The following PKHD1L1 variants were observed in gnomAD, a reference collection of about 807,000 sequenced individuals.
PKHD1L1 encodes the protein fibrocystin-L.
A neutral mutation model predicts 462.9 loss-of-function variants in PKHD1L1; 434 were observed. The ratio of observed to expected loss-of-function variants is 0.94; its 90% CI spans 0.87 to 1.02. The LOEUF (loss-of-function observed/expected upper bound fraction) is 1.02, where lower values mean the gene tolerates loss of function less well. Ranked by LOEUF, PKHD1L1 falls within the 50% of genes least tolerant of loss-of-function variation. PKHD1L1 has a pLI of 0.00. For synonymous variants in PKHD1L1, 1,781 were observed against 1,750.0 expected, an observed-to-expected ratio of 1.02 and a Z score of -0.44; for missense variants, 5,202 against 5,096.1, an observed-to-expected ratio of 1.02 and a Z score of -0.63.
intron 2 of PKHD1L1, among the ~76,000 whole-genome samples, chr8:109,370,699 C>T (rs1163878808): frequency 6.6e-6 from 1 of 152,026 alleles, no homozygotes; most frequent in Non-Finnish European, 1.5e-5. Flanking sequence ...TGATGTTCCC[C>T]TTCCTGTGTC....
chr8:109,378,261 C>T (rs1442216970), intron 2 of PKHD1L1, among the ~76,000 whole-genome samples: 1 of 152,168 alleles, frequency 6.6e-6, no homozygotes, highest in African/African-American at 2.4e-5. Context: ...TTCACTCCTG[C>T]CCCTATTCTA....
intron 77 of PKHD1L1, among the ~76,000 whole-genome samples, chr8:109,529,457 T>C (rs148458136): frequency 6.6e-6 from 1 of 152,180 alleles, no homozygotes; most frequent in African/African-American, 2.4e-5. Context: ...AGCATTAAAA[T>C]ATAAGGTCTA....
intron 30 of PKHD1L1, among the ~76,000 whole-genome samples, chr8:109,436,727 A>G (rs1432518619): frequency 6.6e-6 from 1 of 152,214 alleles, no homozygotes; most frequent in Non-Finnish European, 1.5e-5. Context: ...TTGAATTAAT[A>G]GAAGTAGTAA....
At position 109,491,880 on chromosome 8, in the gene PKHD1L1, A is replaced by T; in HGVS notation, c.10122A>T (p.Arg3374Ser). The change falls in exon 62 of 78, where the codon AGA (arginine) becomes AGT (serine). Residue 3374 changes from arginine to serine, a missense_variant. Around this residue, in one of 3 missense-constraint regions of PKHD1L1, gnomAD observed 4,497 missense variants for 4,336.8 expected, o/e 1.04. Transcript: ENST00000378402. The stretch of plus-strand genomic sequence containing the variant: ...TTTTCTTTTTTTAAACAGGCATAAG[A>T]ATATGGGGGAATGCCAACCGAGTCC... Reference protein sequence around the residue: ...IIHFTVGEGIRIWGNANRVRG... With the variant: ...IIHFTVGEGISIWGNANRVRG... 1 of 1,601,494 alleles carries T rather than the reference A, an allele frequency of 6.2e-7. No homozygotes were observed.
intron 4 of PKHD1L1, among the ~76,000 whole-genome samples, chr8:109,383,514 T>C (rs1188952525): frequency 1.4e-5 from 2 of 140,602 alleles, no homozygotes; most frequent in East Asian, 2.0e-4. Context: ...ATAAATAGTT[T>C]ATATATATTA....
At chr8:109,498,928 T>C (rs2130945741) in intron 67 of PKHD1L1, 157 bp downstream of exon 67, 1 of 671,826 alleles carries the variant, frequency 1.5e-6, no homozygotes, top group East Asian at 2.7e-5. Flanking sequence ...AGAGTCAATT[T>C]TGAGAATGGT....
At chr8:109,506,744 T>A (rs975315172) in intron 68 of PKHD1L1, among the ~76,000 whole-genome samples, 1 of 152,232 alleles carries the variant, frequency 6.6e-6, no homozygotes, top group Non-Finnish European at 1.5e-5. Flanking sequence ...TAGCTTCATA[T>A]CTTTCTCATA....
At chr8:109,512,742 G>A (rs1236069520) in intron 71 of PKHD1L1, among the ~76,000 whole-genome samples, 2 of 152,116 alleles carry the variant, frequency 1.3e-5, no homozygotes, top group African/African-American at 4.8e-5. Flanking sequence ...GAAAGTCATT[G>A]GCAGCTTGAT....
intron 70 of PKHD1L1, 116 bp from the exon 71 acceptor site, chr8:109,510,661 G>C (rs1819923064): frequency 1.5e-6 from 2 of 1,307,728 alleles, no homozygotes; most frequent in African/African-American, 3.0e-5. Context: ...TATAAATGCT[G>C]AACTTGCATT....
In PKHD1L1 at chr8:109,515,320, A is replaced by G; in HGVS notation, c.11689+15A>G. 6.6e-7 allele frequency: 1 copy of G among 1,515,798 alleles called. No homozygotes were observed. Among genetic ancestry groups the G allele is most frequent in the South Asian group, 1.3e-5 (1 of 77,350 alleles). 93.9% of individuals were successfully genotyped at this position (1,515,798 alleles called of 1,614,324 possible). On this transcript the variant is annotated intron_variant, in intron 72 of 77. Coordinates refer to ENST00000378402, the MANE Select transcript of PKHD1L1 (RefSeq NM_177531.6). ...TCTGTACAAAGGTATTGTCTCAGAA[A>G]AAATACAGTACACATGGAAAATGTA... is the stretch of plus-strand genomic sequence containing the variant.
chr8:109,384,231 T>C lies in PKHD1L1; in HGVS notation c.475+104T>C, dbSNP rs183543619. The C allele has an allele frequency of 1.3e-3, 1,218 of 929,802 alleles. 2 individuals are homozygous for C. Among genetic ancestry groups the C allele is most frequent in the East Asian group, 4.2e-3 (161 of 38,402 alleles). The allele number at this position is 929,802 out of a possible 1,614,324, so 57.6% of individuals were successfully genotyped here. ...TAATTCCTGCAATTTTTAAATAGCA[T>C]TTTTTTCATTATAAAAATAACTATC... On this transcript the variant is annotated intron_variant, in intron 5 of 77. Coordinates refer to ENST00000378402, the MANE Select transcript of PKHD1L1 (RefSeq NM_177531.6).
chr8:109,419,386 A>G, intron 22 of PKHD1L1, 126 bp downstream of exon 22: 1 of 654,404 alleles, frequency 1.5e-6, no homozygotes, highest in South Asian at 3.3e-5. Flanking sequence ...TCACTCTTTT[A>G]TCTGAATAAT....
At chr8:109,441,073 G>A (rs1815760535) in intron 33 of PKHD1L1, among the ~76,000 whole-genome samples, 1 of 152,052 alleles carries the variant, frequency 6.6e-6, no homozygotes, top group South Asian at 2.1e-4. Context: ...GCGACATATA[G>A]AGTGGAGGAG....
chr8:109,519,298 G>C (rs1820430523), intron 73 of PKHD1L1, among the ~76,000 whole-genome samples: 1 of 151,870 alleles, frequency 6.6e-6, no homozygotes, highest in Non-Finnish European at 1.5e-5. Context: ...ATTTCCTTAG[G>C]GTCACTCAGT....
intron 63 of PKHD1L1, among the ~76,000 whole-genome samples, chr8:109,496,516 AGT>A (rs1482195067): frequency 6.6e-6 from 1 of 152,242 alleles, no homozygotes; most frequent in Non-Finnish European, 1.5e-5. Flanking sequence ...AAATAATGTA[AGT>A]GTGTTAACAC....
In PKHD1L1 at chr8:109,476,555, C is replaced by T; in HGVS notation, c.8805C>T (p.Asp2935=). 6.5e-7 allele frequency: 1 copy of T among 1,539,378 alleles called. No homozygotes were observed. Residue 2935 remains aspartate, a synonymous_variant, in exon 52 of 78, where the codon GAC becomes GAT. Coordinates refer to ENST00000378402, the MANE Select transcript of PKHD1L1 (RefSeq NM_177531.6). ...CACATAACTTCACTCAAAATCCTGA[C>T]ATGTTTAATATTATTGATATGAGGA... The part of the protein sequence containing the change: ...IISHNFTQNP[D]MFNIIDMRNG...
intron 23 of PKHD1L1, among the ~76,000 whole-genome samples, chr8:109,422,369 A>T (rs969573489): frequency 6.6e-6 from 1 of 152,162 alleles, no homozygotes; most frequent in African/African-American, 2.4e-5. Context: ...CCCTCGTTCC[A>T]TTCCTCCTGC....
At chr8:109,398,386 C>A in intron 11 of PKHD1L1, 73 bp from the exon 12 acceptor site, 2 of 956,226 alleles carry the variant, frequency 2.1e-6, no homozygotes, top group Non-Finnish European at 3.3e-6. Context: ...TGCAAAAGTG[C>A]TTAAAGATAC....
chr8:109,526,960 G>A lies in PKHD1L1; in HGVS notation c.12661G>A (p.Gly4221Arg), dbSNP rs1586671691. Residue 4221 changes from glycine (G) to arginine (R), a missense_variant, in exon 77 of 78, where the codon GGA becomes AGA. By Grantham distance (125) the Gly-to-Arg change is moderately radical (BLOSUM62 -2). Coordinates refer to ENST00000378402, the MANE Select transcript of PKHD1L1 (RefSeq NM_177531.6). ...IMTVVISCLV[G>R]RMWLLEIFMA... ...GACTGTAGTAATTAGCTGTCTGGTT[G>A]GAAGAATGTGGCTCTTGGAAATATT... The A allele has an allele frequency of 6.2e-7, 1 of 1,613,776 alleles. No individual in the cohort carries two copies. The highest frequency in any genetic ancestry group is 8.5e-7 in the Non-Finnish European group (1 of 1,179,826).
Sources: allele counts gnomAD v4.1 joint callset (sites outside exome capture counted in the v4.1 genomes callset), GRCh38; gene constraint gnomAD v4.1.1; regional missense constraint gnomAD v4.1.1; transcripts MANE v1.5; gene names NCBI Gene and HGNC (gene_info 2026-07-23, HGNC 2026-07-21).